Variants in ST3GAL4 observed in about 807,000 individuals in gnomAD.
ST3GAL4 encodes the protein ST3 beta-galactoside alpha-2,3-sialyltransferase 4, also known as CMP-N-acetylneuraminate-beta-galactosamide-alpha-2,3-sialyltransferase 4.
A neutral mutation model predicts 42.6 loss-of-function variants in ST3GAL4; 24 were observed. That is an observed-to-expected ratio of 0.56 (90% CI 0.41 to 0.79). The LOEUF (loss-of-function observed/expected upper bound fraction) is 0.79, where lower values mean the gene tolerates loss of function less well. Among genes scored for constraint, ST3GAL4 ranks in the 30% least tolerant of loss-of-function variants. ST3GAL4 has a pLI of 0.00. For missense variants in ST3GAL4, 311 were observed against 430.8 expected, an observed-to-expected ratio of 0.72 and a Z score of 2.46; for synonymous variants, 135 against 163.2, an observed-to-expected ratio of 0.83 and a Z score of 1.32.
At chr11:126,362,446 C>T (rs1952276363) in intron 1 of ST3GAL4, among the ~76,000 whole-genome samples, 1 of 152,174 alleles carries the variant, frequency 6.6e-6, no homozygotes, top group Non-Finnish European at 1.5e-5. Flanking sequence ...AATGATCCAC[C>T]TGCCTCGGCC....
In ST3GAL4 at chr11:126,414,089, T is replaced by C; in HGVS notation, c.*42T>C. The C allele has an allele frequency of 6.2e-7, 1 of 1,602,382 alleles. No individual in the cohort carries two copies. The highest frequency in any genetic ancestry group is 8.6e-7 in the Non-Finnish European group (1 of 1,169,290). Reference sequence around the variant, plus strand: ...AGCCTGTCGGTTGCCTACTCTGCTGTCTGGGTGACCCCCATGCGTGGCTGT... The same window carrying C: ...AGCCTGTCGGTTGCCTACTCTGCTGCCTGGGTGACCCCCATGCGTGGCTGT... On this transcript the variant is annotated 3_prime_UTR_variant, in exon 11 of 11. Coordinates refer to ENST00000444328, the MANE Select transcript of ST3GAL4 (RefSeq NM_001254757.2).
At position 126,400,233 on chromosome 11, in the gene ST3GAL4, C is replaced by CTT. The variant is rs1280302936; in HGVS notation, c.-60-5862_-60-5861dup. On this transcript the variant is annotated intron_variant, in intron 1 of 10. Transcript: ENST00000444328. The surrounding 1 kb of genome is among the most constrained non-coding windows in gnomAD (Gnocchi z 4.6). Reference sequence around the variant, plus strand: ...AAGGGGCTGCTCTGGCAAGGGCCTTCTTGCTGCATCATCCCATGGTGGAGA... The same window carrying CTT: ...AAGGGGCTGCTCTGGCAAGGGCCTTCTTTTGCTGCATCATCCCATGGTGGAGA... 6.6e-6 allele frequency among the ~76,000 whole-genome samples: 1 copy of CTT among 152,244 alleles called. No homozygotes were observed. Among genetic ancestry groups the CTT allele is most frequent in the Non-Finnish European group, 1.5e-5 (1 of 68,046 alleles).
intron 1 of ST3GAL4, among the ~76,000 whole-genome samples, chr11:126,374,553 C>T (rs964426447): frequency 1.2e-4 from 18 of 150,934 alleles, no homozygotes; most frequent in African/African-American, 3.9e-4. Flanking sequence ...ACTGAGTGAA[C>T]GAAAGTACAA....
chr11:126,371,360 T>C (rs905565448), intron 1 of ST3GAL4, among the ~76,000 whole-genome samples: 1 of 151,780 alleles, frequency 6.6e-6, no homozygotes, highest in African/African-American at 2.4e-5. Context: ...AGACGGGGTT[T>C]CACCATGTTG....
intron 1 of ST3GAL4, among the ~76,000 whole-genome samples, chr11:126,385,397 C>T (rs1031214994): frequency 1.3e-5 from 2 of 151,928 alleles, no homozygotes; most frequent in Non-Finnish European, 2.9e-5. Flanking sequence ...CATGATCCTC[C>T]CACCTCGGCC....
chr11:126,356,896 C>T (rs1022012794), intron 1 of ST3GAL4, among the ~76,000 whole-genome samples: 33 of 152,222 alleles, frequency 2.2e-4, no homozygotes, highest in African/African-American at 7.7e-4. Context: ...TGAGCTGTGC[C>T]GGACCCGTCC....
Position 126,393,229 on chromosome 11 carries a change from A to G in ST3GAL4, c.-60-12867A>G, listed in dbSNP as rs1257937097. On this transcript the variant is annotated intron_variant, in intron 1 of 10. Transcript: ENST00000444328. The surrounding 1 kb of genome is among the most constrained non-coding windows in gnomAD (Gnocchi z 5.9). ...GCACAGGTCTTGGCCAGAGGAGAGA[A>G]GGCTCAGGTGAACCAGTTTCATCTG... The G allele has an allele frequency of 6.6e-6, 1 of 152,214 alleles. No homozygotes were observed. Among genetic ancestry groups the G allele is most frequent in the African/African-American group, 2.4e-5 (1 of 41,446 alleles). The allele number at this position is 152,214 out of a possible 1,614,324, so 9.4% of individuals were successfully genotyped here. A position where few individuals can be genotyped will look rare whatever the true frequency, so the allele number is the denominator to read the frequency against.
rs1953537834 is a variant in ST3GAL4, at chr11:126,391,979, GTGTA to G, written c.-60-14113_-60-14110del. ...TGTGTGTGTGTGTGTGTGTATGTGTGTGTATGTGTATATATAAAATTATTTTCCT... is the reference window on the plus strand; with the variant it reads ...TGTGTGTGTGTGTGTGTGTATGTGTGTGTGTATATATAAAATTATTTTCCT... On this transcript the variant is annotated intron_variant, in intron 1 of 10. Coordinates refer to ENST00000444328, the MANE Select transcript of ST3GAL4 (RefSeq NM_001254757.2). This position sits in a 1 kb window ranked among gnomAD's most constrained non-coding sequence, Gnocchi z 5.5. Among the ~76,000 whole-genome samples the G allele has an allele frequency of 2.0e-5, 3 of 150,536 alleles. No individual in the cohort carries two copies. Among genetic ancestry groups the G allele is most frequent in the African/African-American group, 7.4e-5 (3 of 40,480 alleles).
At position 126,373,694 on chromosome 11, in the gene ST3GAL4, G is replaced by A. The variant is rs1381816274; in HGVS notation, c.-61+17852G>A. Among the ~76,000 whole-genome samples, 1 of 152,112 alleles carries A rather than the reference G, an allele frequency of 6.6e-6. No homozygotes were observed. The highest frequency in any genetic ancestry group is 1.5e-5 in the Non-Finnish European group (1 of 68,016). ...TTTGCTGTAGGTGGAAGCCTGTCTG[G>A]CTCCTTTCCCTCAAAGGTCAGACAG... On this transcript the variant is annotated intron_variant, in intron 1 of 10. Transcript: ENST00000444328. This position sits in a 1 kb window ranked among gnomAD's most constrained non-coding sequence, Gnocchi z 5.5.
At position 126,408,079 on chromosome 11, in the gene ST3GAL4, C is replaced by G; in HGVS notation, c.342-20C>G. 6.2e-7 allele frequency: 1 copy of G among 1,611,950 alleles called. No homozygotes were observed. The highest frequency in any genetic ancestry group is 1.3e-5 in the African/African-American group (1 of 75,002). ...GGTTAGAGTGTGGGGTGACATAGAC[C>G]ACTCCTCTTTCTATGGCAGCCTCAG... On this transcript the variant is annotated intron_variant, in intron 6 of 10. Transcript: ENST00000444328.
At chr11:126,358,446 G>A (rs1206998378) in intron 1 of ST3GAL4, 3 of 455,042 alleles carry the variant, frequency 6.6e-6, no homozygotes, top group African/African-American at 6.0e-5. Flanking sequence ...GAGTGGCCCT[G>A]GATGGACTAC....
At chr11:126,380,330 A>G (rs1285001918) in intron 1 of ST3GAL4, among the ~76,000 whole-genome samples, 2 of 151,978 alleles carry the variant, frequency 1.3e-5, no homozygotes, top group Non-Finnish European at 2.9e-5. Flanking sequence ...TAGGCAGGTC[A>G]CAGAAAGCCT....
At position 126,411,613 on chromosome 11, in the gene ST3GAL4, T is replaced by C. The variant is rs1362901504; in HGVS notation, c.772-1892T>C. On this transcript the variant is annotated intron_variant, in intron 9 of 10. Coordinates refer to ENST00000444328, the MANE Select transcript of ST3GAL4 (RefSeq NM_001254757.2). This position sits in a 1 kb window ranked among gnomAD's most constrained non-coding sequence, Gnocchi z 6.3. ...AACCAGACAGTTCTCATCTGGAAGC[T>C]TGGGGGAAAATTTTGCTTCCAGGCT... 6.6e-6 allele frequency among the ~76,000 whole-genome samples: 1 copy of C among 152,136 alleles called. No homozygotes were observed. Among genetic ancestry groups the C allele is most frequent in the Non-Finnish European group, 1.5e-5 (1 of 68,026 alleles).
At chr11:126,402,509 C>T (rs986282783) in intron 1 of ST3GAL4, among the ~76,000 whole-genome samples, 2 of 151,410 alleles carry the variant, frequency 1.3e-5, no homozygotes, top group Non-Finnish European at 2.9e-5. Context: ...AGTAAGTGGT[C>T]GCTTGTGATC....
At chr11:126,390,678 C>G (rs145752044) in intron 1 of ST3GAL4, among the ~76,000 whole-genome samples, 1 of 144,200 alleles carries the variant, frequency 6.9e-6, no homozygotes, top group Non-Finnish European at 1.5e-5. Flanking sequence ...GTAAAATGCA[C>G]AAGCACGAGG....
intron 1 of ST3GAL4, among the ~76,000 whole-genome samples, chr11:126,390,598 T>C (rs1428404415): frequency 6.7e-6 from 1 of 148,426 alleles, no homozygotes. Flanking sequence ...AATCTGTGAA[T>C]TGCCTTTTTG....
At chr11:126,369,955 G>A (rs1375818874) in intron 1 of ST3GAL4, among the ~76,000 whole-genome samples, 1 of 152,182 alleles carries the variant, frequency 6.6e-6, no homozygotes, top group African/African-American at 2.4e-5. Flanking sequence ...ATGCTTTGGA[G>A]ATCAGTTGAC....
Position 126,400,437 on chromosome 11 carries a change from A to G in ST3GAL4, c.-60-5659A>G. Among the ~76,000 whole-genome samples, 1 of 152,218 alleles carries G rather than the reference A, an allele frequency of 6.6e-6. No homozygotes were observed. The highest frequency in any genetic ancestry group is 1.9e-4 in the East Asian group (1 of 5,188). On this transcript the variant is annotated intron_variant, in intron 1 of 10. Transcript: ENST00000444328. This position sits in a 1 kb window ranked among gnomAD's most constrained non-coding sequence, Gnocchi z 4.6. ...AGTTGCAGCACTTGGACTTCGGGCA[A>G]CACATTCAAACCATAGCAGGCACCT...
chr11:126,390,994 A>T (rs1022407834), intron 1 of ST3GAL4, among the ~76,000 whole-genome samples: 3 of 152,226 alleles, frequency 2.0e-5, no homozygotes, highest in African/African-American at 7.2e-5. Flanking sequence ...TTCAAGGTTG[A>T]TCCATACTGG....
Sources: gnomAD v4.1 joint callset for allele counts (sites outside exome capture counted in the v4.1 genomes callset) on GRCh38, gnomAD v4.1.1 for gene constraint, Gnocchi (gnomAD v3.1) non-coding constraint, MANE v1.5 for transcripts, NCBI Gene and HGNC (gene_info 2026-07-23, HGNC 2026-07-21) for gene names.